Variants in SGCZ observed in about 807,000 individuals in gnomAD.
SGCZ encodes the protein sarcoglycan zeta.
SGCZ carries 40 observed loss-of-function variants against 41.3 expected under a neutral mutation model. The ratio of observed to expected loss-of-function variants is 0.97; its 90% CI spans 0.75 to 1.26. SGCZ has a LOEUF of 1.26. Among genes scored for constraint, SGCZ ranks in the 50% most tolerant of loss-of-function variants. The pLI is 0.00. For missense variants in SGCZ, 552 were observed against 369.8 expected, an observed-to-expected ratio of 1.49 and a Z score of -4.04; for synonymous variants, 206 against 137.5, an observed-to-expected ratio of 1.50 and a Z score of -3.49.
intron 1 of SGCZ, among the ~76,000 whole-genome samples, chr8:15,067,042 C>T (rs1410339679): frequency 2.6e-5 from 4 of 152,022 alleles, no homozygotes; most frequent in Non-Finnish European, 2.9e-5. Context: ...TATATGAATA[C>T]GCGGTCATAC....
At chr8:14,440,461 A>G (rs1800217141) in intron 2 of SGCZ, among the ~76,000 whole-genome samples, 1 of 152,086 alleles carries the variant, frequency 6.6e-6, no homozygotes, top group Non-Finnish European at 1.5e-5. Context: ...GAACACAATG[A>G]AGTTTCCATC....
intron 5 of SGCZ, among the ~76,000 whole-genome samples, chr8:14,115,497 T>A (rs1225089719): frequency 2.0e-5 from 3 of 151,992 alleles, no homozygotes; most frequent in African/African-American, 7.2e-5. Context: ...GATTCCTAGG[T>A]AAATTATCTT....
At chr8:14,324,954 C>A (rs141280732) in intron 2 of SGCZ, among the ~76,000 whole-genome samples, 3 of 152,218 alleles carry the variant, frequency 2.0e-5, no homozygotes, top group African/African-American at 7.2e-5. Context: ...ATTCTGGCAA[C>A]ATTTAGATAA....
intron 1 of SGCZ, among the ~76,000 whole-genome samples, chr8:14,732,308 G>C (rs537057238): frequency 1.3e-5 from 2 of 152,230 alleles, no homozygotes; most frequent in African/African-American, 4.8e-5. Context: ...TGCTAAGGAG[G>C]GGTAATATCT....
intron 2 of SGCZ, among the ~76,000 whole-genome samples, chr8:14,427,838 T>C (rs550306315): frequency 2.0e-5 from 3 of 152,114 alleles, no homozygotes; most frequent in Admixed American, 6.6e-5. Flanking sequence ...GTTCAGCAGA[T>C]TCAACCAATC....
chr8:15,162,161 C>G (rs1365225092), intron 1 of SGCZ, among the ~76,000 whole-genome samples: 1 of 152,128 alleles, frequency 6.6e-6, no homozygotes, highest in African/African-American at 2.4e-5. Flanking sequence ...CTCATTTTAT[C>G]AATTCACAAG....
intron 1 of SGCZ, among the ~76,000 whole-genome samples, chr8:14,774,010 G>T (rs1013351710): frequency 3.3e-5 from 5 of 152,180 alleles, no homozygotes; most frequent in Non-Finnish European, 7.3e-5. Context: ...TGACAACTTG[G>T]TTGGACCACT....
At chr8:14,417,323 T>A (rs1246441635) in intron 2 of SGCZ, among the ~76,000 whole-genome samples, 1 of 151,910 alleles carries the variant, frequency 6.6e-6, no homozygotes, top group Non-Finnish European at 1.5e-5. Flanking sequence ...CATTCATTTC[T>A]TTATATAAAT....
chr8:14,277,340 A>G (rs944342267), intron 3 of SGCZ, among the ~76,000 whole-genome samples: 1 of 144,448 alleles, frequency 6.9e-6, no homozygotes. Flanking sequence ...TCCCCTTTAC[A>G]TAGTATGCCT....
intron 1 of SGCZ, among the ~76,000 whole-genome samples, chr8:14,866,092 G>C (rs564814371): frequency 6.4e-4 from 97 of 152,122 alleles, no homozygotes; most frequent in African/African-American, 2.3e-3. Flanking sequence ...ATGTAAAGCA[G>C]AAAAAGAATC....
At chr8:14,671,812 G>A (rs1015099658) in intron 1 of SGCZ, among the ~76,000 whole-genome samples, 3 of 151,994 alleles carry the variant, frequency 2.0e-5, no homozygotes, top group Non-Finnish European at 4.4e-5. Context: ...TTTTAATTCC[G>A]TATTGAATAT....
chr8:15,182,573 AT>A (rs1267570999), intron 1 of SGCZ, among the ~76,000 whole-genome samples: 1 of 152,260 alleles, frequency 6.6e-6, no homozygotes, highest in Admixed American at 6.5e-5. Context: ...AGCATAAAAG[AT>A]TTTTTTAAGT....
At chr8:14,384,013 C>A (rs1216585823) in intron 2 of SGCZ, among the ~76,000 whole-genome samples, 1 of 150,992 alleles carries the variant, frequency 6.6e-6, no homozygotes, top group Non-Finnish European at 1.5e-5. Context: ...TACATGTGCA[C>A]AACATGTAGG....
intron 4 of SGCZ, among the ~76,000 whole-genome samples, chr8:14,213,904 A>G (rs145846259): frequency 6.6e-6 from 1 of 152,284 alleles, no homozygotes; most frequent in East Asian, 1.9e-4. Flanking sequence ...AATATCATTT[A>G]TGTAGCTACT....
intron 2 of SGCZ, among the ~76,000 whole-genome samples, chr8:14,347,602 A>G (rs1048154988): frequency 6.8e-6 from 1 of 148,046 alleles, no homozygotes; most frequent in Non-Finnish European, 1.5e-5. Flanking sequence ...CATATACTTT[A>G]TAAAATAAAA....
intron 1 of SGCZ, among the ~76,000 whole-genome samples, chr8:14,673,403 GCTCTCTCTCGCGCTCGCGCTGT>G (rs1233937865): frequency 4.3e-4 from 66 of 151,866 alleles, no homozygotes; most frequent in East Asian, 1.8e-3. Context: ...AGTTTCACCT[GCTCTCTCTCGCGCTCGCGCTGT>G]CTCTCTCTCG....
At chr8:14,385,272 C>T (rs1188930460) in intron 2 of SGCZ, among the ~76,000 whole-genome samples, 2 of 152,128 alleles carry the variant, frequency 1.3e-5, no homozygotes, top group African/African-American at 4.8e-5. Context: ...AGAGAATCCT[C>T]CCAAGTAGAC....
intron 1 of SGCZ, among the ~76,000 whole-genome samples, chr8:15,201,267 T>C (rs748035954): frequency 2.0e-5 from 3 of 152,134 alleles, no homozygotes; most frequent in Non-Finnish European, 4.4e-5. Flanking sequence ...TCTGCCCACC[T>C]CAGCCTCCCA....
intron 1 of SGCZ, among the ~76,000 whole-genome samples, chr8:15,174,439 T>G (rs773050038): frequency 6.6e-6 from 1 of 152,162 alleles, no homozygotes; most frequent in Non-Finnish European, 1.5e-5. Flanking sequence ...CTTGCTTCAT[T>G]ATTGATCTTT....
Sources: gnomAD v4.1 joint callset for allele counts (sites outside exome capture counted in the v4.1 genomes callset) on GRCh38, gnomAD v4.1.1 for gene constraint, MANE v1.5 for transcripts, NCBI Gene and HGNC (gene_info 2026-07-23, HGNC 2026-07-21) for gene names.